ENPP6: variants seen among roughly 807,000 people sequenced by gnomAD.
The protein encoded by ENPP6 is glycerophosphocholine cholinephosphodiesterase ENPP6.
In ENPP6, 32 loss-of-function variants were observed where a neutral mutation model predicts 42.0. The observed-to-expected ratio is 0.76, with a 90% confidence interval of 0.58 to 1.02. The LOEUF is 1.02. Among genes scored for constraint, ENPP6 ranks in the 50% least tolerant of loss-of-function variants. The pLI is 0.00. For missense variants in ENPP6, 552 were observed against 566.8 expected, an observed-to-expected ratio of 0.97 and a Z score of 0.27; for synonymous variants, 213 against 216.0, an observed-to-expected ratio of 0.99 and a Z score of 0.12.
At chr4:184,131,415 G>T (rs1213619872) in intron 2 of ENPP6, among the ~76,000 whole-genome samples, 1 of 149,968 alleles carries the variant, frequency 6.7e-6, no homozygotes, top group African/African-American at 2.5e-5. Flanking sequence ...GTGCAGTGGA[G>T]TGATCTTAGC....
chr4:184,097,428 T>C (rs1166339261), intron 6 of ENPP6, 60 bp from the exon 7 acceptor site: 1 of 1,598,476 alleles, frequency 6.3e-7, no homozygotes. Context: ...TGAGCGGGCA[T>C]CTGCTCCAAG....
chr4:184,107,079 C>T (rs1189149585), intron 6 of ENPP6, among the ~76,000 whole-genome samples: 1 of 152,126 alleles, frequency 6.6e-6, no homozygotes, highest in Non-Finnish European at 1.5e-5. Flanking sequence ...GCCCCAGGCC[C>T]CTGGGGGAGG....
chr4:184,202,753 G>A (rs1732925305), intron 1 of ENPP6, among the ~76,000 whole-genome samples: 1 of 152,220 alleles, frequency 6.6e-6, no homozygotes, highest in Admixed American at 6.5e-5. Context: ...GCACATGAGT[G>A]AGGAATAAAC....
chr4:184,131,730 A>T (rs1353352752), intron 2 of ENPP6, among the ~76,000 whole-genome samples: 5 of 151,514 alleles, frequency 3.3e-5, no homozygotes, highest in Non-Finnish European at 5.9e-5. Flanking sequence ...TGGTTTTCAA[A>T]ATTACCCATT....
At chr4:184,139,073 G>T (rs1736777326) in intron 2 of ENPP6, among the ~76,000 whole-genome samples, 1 of 152,204 alleles carries the variant, frequency 6.6e-6, no homozygotes, top group South Asian at 2.1e-4. Flanking sequence ...AGAAGGGATG[G>T]GACTGCAACC....
intron 1 of ENPP6, among the ~76,000 whole-genome samples, chr4:184,214,982 A>G (rs1315815199): frequency 6.6e-6 from 1 of 152,250 alleles, no homozygotes; most frequent in Non-Finnish European, 1.5e-5. Context: ...CATGTGTCCC[A>G]GAATTTAAAG....
At chr4:184,101,512 A>G (rs1401035342) in intron 6 of ENPP6, among the ~76,000 whole-genome samples, 2 of 152,078 alleles carry the variant, frequency 1.3e-5, no homozygotes, top group South Asian at 2.1e-4. Context: ...GAAAGATGGA[A>G]AGAAAGCTGC....
intron 2 of ENPP6, among the ~76,000 whole-genome samples, chr4:184,130,213 G>A (rs1171325347): frequency 6.6e-6 from 1 of 152,054 alleles, no homozygotes; most frequent in East Asian, 1.9e-4. Flanking sequence ...AAACTATAGG[G>A]CAACAAGCAT....
Position 184,168,622 on chromosome 4 carries a change from C to A in ENPP6, c.242-14889G>T, listed in dbSNP as rs975097460. ...CCTCTGCTGGCGGCTGCGGTCTTCA[C>A]CACCGCCCGCAGCCGTCCCCGTAGT... is the stretch of plus-strand genomic sequence containing the variant. On this transcript the variant is annotated intron_variant, in intron 1 of 7. Coordinates refer to ENST00000296741, the MANE Select transcript of ENPP6 (RefSeq NM_153343.4). Among the ~76,000 whole-genome samples the A allele has an allele frequency of 3.9e-5, 6 of 152,346 alleles. No individual in the cohort carries two copies. In the East Asian group the frequency reaches 1.2e-3, roughly 29 times the overall value.
chr4:184,129,324 A>C (rs1736557864), intron 2 of ENPP6, among the ~76,000 whole-genome samples: 1 of 147,360 alleles, frequency 6.8e-6, no homozygotes, highest in African/African-American at 2.5e-5. Flanking sequence ...ACACACACAC[A>C]CACCAGAAAC....
intron 6 of ENPP6, among the ~76,000 whole-genome samples, chr4:184,112,416 G>C (rs115245042): frequency 6.6e-6 from 1 of 152,206 alleles, no homozygotes; most frequent in African/African-American, 2.4e-5. Context: ...GGGTAATCGA[G>C]TTAATGCCCG....
At chr4:184,158,483 G>A (rs1477217764) in intron 1 of ENPP6, among the ~76,000 whole-genome samples, 2 of 152,140 alleles carry the variant, frequency 1.3e-5, no homozygotes, top group South Asian at 4.1e-4. Context: ...CCTACTCTCA[G>A]TTATACAGGA....
In ENPP6 at chr4:184,099,489, G is replaced by A. The variant is rs538745336; in HGVS notation, c.994-2121C>T. Among the ~76,000 whole-genome samples the A allele has an allele frequency of 2.6e-5, 4 of 152,336 alleles. No homozygotes were observed. In the South Asian group the frequency reaches 8.3e-4, roughly 32 times the overall value. On this transcript the variant is annotated intron_variant, in intron 6 of 7. Transcript: ENST00000296741. Reference sequence around the variant, plus strand: ...CCTGACACACAATAGGTGTTCAATAGGTGGCAACGGTCTGGTCCGCAGATG... The same window carrying A: ...CCTGACACACAATAGGTGTTCAATAAGTGGCAACGGTCTGGTCCGCAGATG...
At chr4:184,108,263 A>C (rs1231256389) in intron 6 of ENPP6, among the ~76,000 whole-genome samples, 1 of 152,250 alleles carries the variant, frequency 6.6e-6, no homozygotes, top group East Asian at 1.9e-4. Context: ...ACTCAGACCC[A>C]GAGAGGCTGC....
chr4:184,115,494 G>A (rs1203786691), intron 5 of ENPP6, among the ~76,000 whole-genome samples: 1 of 152,206 alleles, frequency 6.6e-6, no homozygotes, highest in Non-Finnish European at 1.5e-5. Flanking sequence ...GCAGGGCAGT[G>A]ACTGTGGGGA....
intron 1 of ENPP6, among the ~76,000 whole-genome samples, chr4:184,194,044 C>T (rs370959271): frequency 1.2e-4 from 19 of 152,286 alleles, no homozygotes; most frequent in African/African-American, 3.6e-4. Flanking sequence ...TTCCTTGTCT[C>T]CTTTGATACC....
rs566161218 is a variant in ENPP6 at position 184,100,026 on chromosome 4, AT to A, written c.994-2659del. ...GCCTGATTTAAGACTTACAGCCTAG[AT>A]TCCACAAATAAACACACAAAGCAGT... On this transcript the variant is annotated intron_variant, in intron 6 of 7. Transcript: ENST00000296741. Among the ~76,000 whole-genome samples the A allele has an allele frequency of 2.2e-4, 34 of 152,370 alleles. No homozygotes were observed. In the East Asian group the frequency reaches 4.2e-3, roughly 19 times the overall value.
intron 1 of ENPP6, among the ~76,000 whole-genome samples, chr4:184,191,506 A>G (rs1329662387): frequency 1.3e-5 from 2 of 152,164 alleles, no homozygotes; most frequent in Non-Finnish European, 2.9e-5. Flanking sequence ...GACTCTGCCA[A>G]CTGGAGGCAG....
intron 6 of ENPP6, among the ~76,000 whole-genome samples, chr4:184,099,036 C>T (rs1735956939): frequency 1.3e-5 from 2 of 152,242 alleles, no homozygotes; most frequent in Non-Finnish European, 2.9e-5. Context: ...ACCATCACAA[C>T]ATCCCAGTGG....
Sources: allele counts gnomAD v4.1 joint callset (sites outside exome capture counted in the v4.1 genomes callset), GRCh38; gene constraint gnomAD v4.1.1; transcripts MANE v1.5; gene names NCBI Gene and HGNC (gene_info 2026-07-23, HGNC 2026-07-21).